SPTLC3: variants seen among roughly 807,000 people sequenced by gnomAD.
SPTLC3 encodes serine palmitoyltransferase 3.
In SPTLC3, 36 loss-of-function variants were observed where a neutral mutation model predicts 59.3. The ratio of observed to expected loss-of-function variants is 0.61; its 90% CI spans 0.47 to 0.80. SPTLC3 has a LOEUF of 0.80. SPTLC3 is among the 30% of genes least tolerant of loss of function. The pLI is 0.00. For missense variants in SPTLC3, 625 were observed against 685.1 expected, an observed-to-expected ratio of 0.91 and a Z score of 0.98; for synonymous variants, 257 against 240.8, an observed-to-expected ratio of 1.07 and a Z score of -0.62.
chr20:13,079,733 C>T, intron 4 of SPTLC3: 1 of 470,410 alleles, frequency 2.1e-6, no homozygotes, highest in Non-Finnish European at 4.4e-6. Context: ...CTGTGTTGGC[C>T]TCCCATCTTT....
At chr20:13,041,626 T>C (rs1254745582) in intron 1 of SPTLC3, among the ~76,000 whole-genome samples, 1 of 152,184 alleles carries the variant, frequency 6.6e-6, no homozygotes, top group Non-Finnish European at 1.5e-5. Context: ...ATATCTGTTG[T>C]TCTTATGTAG....
At chr20:13,074,260 T>C (rs17226369) in intron 3 of SPTLC3, 89 bp from the exon 4 acceptor site, 46,978 of 1,530,636 alleles carry the variant, frequency 0.031, 1,000 homozygotes, top group Middle Eastern at 0.085. Flanking sequence ...TTTTTCTTCA[T>C]AGGAACCCAA....
At chr20:13,047,800 AAAT>A (rs1987296943) in intron 1 of SPTLC3, among the ~76,000 whole-genome samples, 1 of 152,120 alleles carries the variant, frequency 6.6e-6, no homozygotes, top group Admixed American at 6.5e-5. Context: ...GAGTAGAAAA[AAAT>A]AATATCATGA....
At chr20:13,126,527 T>A (rs112236107) in intron 8 of SPTLC3, 64 bp from the exon 9 acceptor site, 20 of 1,587,260 alleles carry the variant, frequency 1.3e-5, no homozygotes, top group African/African-American at 1.2e-4. Context: ...GGACTAGATG[T>A]AATTCCCACC....
chr20:13,050,476 G>A (rs1248840466), intron 2 of SPTLC3: 1 of 152,146 alleles, frequency 6.6e-6, no homozygotes, highest in Non-Finnish European at 1.5e-5. Flanking sequence ...TGTTCCTGAG[G>A]AAGAAGAGAA....
chr20:13,017,846 A>T (rs576811326), intron 1 of SPTLC3, among the ~76,000 whole-genome samples: 1 of 152,132 alleles, frequency 6.6e-6, no homozygotes, highest in African/African-American at 2.4e-5. Flanking sequence ...TTGACCAAAA[A>T]CGTGATGGAA....
chr20:13,097,786 A>G (rs1237762372), intron 6 of SPTLC3, among the ~76,000 whole-genome samples: 1 of 152,188 alleles, frequency 6.6e-6, no homozygotes, highest in Non-Finnish European at 1.5e-5. Flanking sequence ...TGTCAATACC[A>G]TAAGAGACAG....
chr20:13,164,610 G>A (rs1600420361), intron 11 of SPTLC3, 144 bp from the exon 12 acceptor site: 6 of 648,102 alleles, frequency 9.3e-6, no homozygotes, highest in Admixed American at 2.8e-5. Flanking sequence ...CTAATGGTAC[G>A]GATCTTGCTT....
chr20:13,085,882 T>C (rs927112881), intron 4 of SPTLC3, among the ~76,000 whole-genome samples: 1 of 152,158 alleles, frequency 6.6e-6, no homozygotes, highest in East Asian at 1.9e-4. Context: ...CCAGTTTATG[T>C]TTATTACTTT....
intron 1 of SPTLC3, among the ~76,000 whole-genome samples, chr20:13,024,209 A>G (rs572722345): frequency 6.6e-6 from 1 of 152,316 alleles, no homozygotes; most frequent in South Asian, 2.1e-4. Flanking sequence ...GAGATAAAAC[A>G]TATAGTTAGC....
At chr20:13,141,577 A>C (rs1047482848) in intron 9 of SPTLC3, among the ~76,000 whole-genome samples, 30 of 152,192 alleles carry the variant, frequency 2.0e-4, no homozygotes, top group African/African-American at 7.2e-4. Context: ...TCTACAAAAA[A>C]TTCCGCCCAA....
chr20:13,039,534 T>C (rs1284205612), intron 1 of SPTLC3, among the ~76,000 whole-genome samples: 5 of 152,108 alleles, frequency 3.3e-5, no homozygotes, highest in Non-Finnish European at 5.9e-5. Flanking sequence ...CTAGACATTT[T>C]AGAGTTAGAT....
chr20:13,160,933 G>A (rs982017363), intron 11 of SPTLC3, among the ~76,000 whole-genome samples: 74 of 152,244 alleles, frequency 4.9e-4, no homozygotes, highest in African/African-American at 1.4e-3. Flanking sequence ...AAAGCTTATC[G>A]AGCATCATTC....
In SPTLC3 at chr20:13,015,459, G is replaced by T. The variant is rs145748198; in HGVS notation, c.117+6075G>T. Among the ~76,000 whole-genome samples the T allele has an allele frequency of 3.8e-4, 58 of 152,296 alleles. No individual in the cohort carries two copies. In the East Asian group the frequency reaches 7.7e-3, roughly 20 times the overall value. The stretch of plus-strand genomic sequence containing the variant: ...ATTTAAATAAAATGAAAATCAATTG[G>T]AAGGGAGTATGAAAATGCTACTGAG... On this transcript the variant is annotated intron_variant, in intron 1 of 11. Transcript: ENST00000399002.
chr20:13,063,843 T>A (rs1024653774), intron 2 of SPTLC3, among the ~76,000 whole-genome samples: 2 of 151,518 alleles, frequency 1.3e-5, no homozygotes, highest in African/African-American at 4.9e-5. Context: ...TTAGTGGAGA[T>A]GGAGTTTTCT....
intron 6 of SPTLC3, among the ~76,000 whole-genome samples, chr20:13,098,857 G>A (rs1027010046): frequency 6.6e-6 from 1 of 152,144 alleles, no homozygotes; most frequent in African/African-American, 2.4e-5. Flanking sequence ...GATTAATAGT[G>A]AAGCCTGGAG....
intron 2 of SPTLC3, among the ~76,000 whole-genome samples, chr20:13,064,650 T>C (rs1600244499): frequency 1.3e-5 from 2 of 152,336 alleles, no homozygotes; most frequent in Non-Finnish European, 2.9e-5. Flanking sequence ...TATTTTCCTA[T>C]TATTTGGGTA....
chr20:13,087,538 C>A (rs187142735), intron 4 of SPTLC3, among the ~76,000 whole-genome samples: 18 of 152,342 alleles, frequency 1.2e-4, no homozygotes, highest in Non-Finnish European at 1.9e-4. Context: ...CCCTGTGCCA[C>A]CTCCTACTCT....
rs965330621 is a variant in SPTLC3 at position 13,147,729 on chromosome 20, C to T, written c.1280-6274C>T. 3.6e-4 allele frequency among the ~76,000 whole-genome samples: 55 copies of T among 152,186 alleles called. 2 individuals carry two copies. Among genetic ancestry groups the T allele is most frequent in the Admixed American group, 3.9e-4 (6 of 15,284 alleles). On this transcript the variant is annotated intron_variant, in intron 9 of 11. Transcript: ENST00000399002. ...TTCCCATCTCTAAAGACAAGGACCT[C>T]ATTTTCCAAGCAATGCTGCCTAGGA...
Sources: allele counts gnomAD v4.1 joint callset (sites outside exome capture counted in the v4.1 genomes callset), GRCh38; gene constraint gnomAD v4.1.1; transcripts MANE v1.5; gene names NCBI Gene and HGNC (gene_info 2026-07-23, HGNC 2026-07-21).